FSD1L: variants seen among roughly 807,000 people sequenced by gnomAD.
FSD1L encodes fibronectin type III and SPRY domain containing 1 like.
In FSD1L, 45 loss-of-function variants were observed where a neutral mutation model predicts 71.6. The observed-to-expected ratio is 0.63, with a 90% CI of 0.49 to 0.81. The LOEUF (loss-of-function observed/expected upper bound fraction) is 0.81. Among genes scored for constraint, FSD1L ranks in the 30% least tolerant of loss-of-function variants. The pLI, the probability that FSD1L is intolerant of heterozygous loss-of-function variation, is 0.00. For synonymous variants in FSD1L, 197 were observed against 207.2 expected (o/e 0.95, Z 0.42); for missense variants, 561 against 618.1 (o/e 0.91, Z 0.98).
At chr9:105,529,847 C>T (rs1835782525) in intron 10 of FSD1L, among the ~76,000 whole-genome samples, 2 of 151,618 alleles carry the variant, frequency 1.3e-5, no homozygotes, top group South Asian at 4.2e-4. Context: ...GGTTATTTAA[C>T]CTGTTAGAAT....
Position 105,546,505 on chromosome 9 carries a change from C to T in FSD1L, c.*22C>T. 6.6e-7 allele frequency: 1 copy of T among 1,511,838 alleles called. No homozygotes were observed. Among genetic ancestry groups the T allele is most frequent in the Non-Finnish European group, 8.8e-7 (1 of 1,130,788 alleles). The allele number at this position is 1,511,838 out of a possible 1,614,324, so 93.7% of individuals were successfully genotyped here. A position where few individuals can be genotyped will look rare whatever the true frequency, so the allele number is the denominator to read the frequency against. On this transcript the variant is annotated 3_prime_UTR_variant, in exon 14 of 14. Coordinates refer to ENST00000481272, the MANE Select transcript of FSD1L (RefSeq NM_001145313.3). ...ATAGTGTCTACTCAGAATACGTTTA[C>T]CCTCCGTCTTGATTAGGTGGCCTTT... is the stretch of plus-strand genomic sequence containing the variant.
intron 7 of FSD1L, among the ~76,000 whole-genome samples, chr9:105,495,483 C>T (rs1375260854): frequency 6.6e-6 from 1 of 152,214 alleles, no homozygotes; most frequent in African/African-American, 2.4e-5. Flanking sequence ...CCTGCTTCGG[C>T]TCGTGCAGGG....
chr9:105,540,363 C>T (rs1368251775), intron 13 of FSD1L, among the ~76,000 whole-genome samples: 2 of 151,990 alleles, frequency 1.3e-5, no homozygotes, highest in East Asian at 3.8e-4. Flanking sequence ...GTAGGCTCTT[C>T]TTCACTCTGG....
At chr9:105,461,685 C>A in intron 2 of FSD1L, 70 bp downstream of exon 2, 1 of 897,658 alleles carries the variant, frequency 1.1e-6, no homozygotes. Context: ...ATTTAGATGT[C>A]TTTGACTATA....
In FSD1L at chr9:105,472,705, A is replaced by G. The variant is rs960675760; in HGVS notation, c.441+700A>G. On this transcript the variant is annotated intron_variant, in intron 5 of 13. Coordinates refer to ENST00000481272, the MANE Select transcript of FSD1L (RefSeq NM_001145313.3). ...TGCATTGTGTTAGAAAGGTAGCTTT[A>G]TAACTGATTTATGCCTAGTGATTGT... 2.6e-5 allele frequency: 4 copies of G among 152,206 alleles called. 1 individual carries two copies. Among genetic ancestry groups the G allele is most frequent in the African/African-American group, 9.6e-5 (4 of 41,452 alleles). The allele number at this position is 152,206 out of a possible 1,614,324, so 9.4% of individuals were successfully genotyped here.
intron 10 of FSD1L, chr9:105,523,790 A>G (rs912721776): frequency 7.5e-6 from 12 of 1,598,466 alleles, no homozygotes; most frequent in Middle Eastern, 2.3e-4. Context: ...TGCATTGTGG[A>G]TTACTTCATA....
chr9:105,547,931 C>T lies in FSD1L; in HGVS notation c.*1448C>T, dbSNP rs1158261885. 6.6e-6 allele frequency: 1 copy of T among 152,018 alleles called. No individual in the cohort carries two copies. Among genetic ancestry groups the T allele is most frequent in the Non-Finnish European group, 1.5e-5 (1 of 67,956 alleles). The allele number at this position is 152,018 out of a possible 1,614,324, so 9.4% of individuals were successfully genotyped here. A position where few individuals can be genotyped will look rare whatever the true frequency, so the allele number is the denominator to read the frequency against. On this transcript the variant is annotated 3_prime_UTR_variant, in exon 14 of 14. Transcript: ENST00000481272. ...TCCAAGGAGTGACCATTACTGCCTACATTTGCGTTGCTTTCTACATAGAGA... is the reference window on the plus strand; with the variant it reads ...TCCAAGGAGTGACCATTACTGCCTATATTTGCGTTGCTTTCTACATAGAGA...
At position 105,495,896 on chromosome 9, in the gene FSD1L, C is replaced by T. The variant is rs188415665; in HGVS notation, c.587-10503C>T. Among the ~76,000 whole-genome samples the T allele has an allele frequency of 6.2e-3, 936 of 151,432 alleles. 13 individuals are homozygous for T. The highest frequency in any genetic ancestry group is 0.021 in the African/African-American group (880 of 41,252). On this transcript the variant is annotated intron_variant, in intron 7 of 13. Transcript: ENST00000481272. Reference sequence around the variant, plus strand: ...AGGCTGAGGCAGAATGGCATGAACCCGGGAGGCGGAGCTTGCAGTGAGCCG... The same window carrying T: ...AGGCTGAGGCAGAATGGCATGAACCTGGGAGGCGGAGCTTGCAGTGAGCCG...
chr9:105,533,265 T>A (rs988280937), intron 10 of FSD1L, among the ~76,000 whole-genome samples: 1 of 151,914 alleles, frequency 6.6e-6, no homozygotes, highest in African/African-American at 2.4e-5. Context: ...TTTTTGAATG[T>A]TAGTAAACAT....
At chr9:105,525,490 G>A in intron 10 of FSD1L, 1 of 1,610,016 alleles carries the variant, frequency 6.2e-7, no homozygotes, top group Non-Finnish European at 8.5e-7. Context: ...CATGAAAGCT[G>A]TGGAACAAGA....
chr9:105,543,629 T>C (rs1836775529), intron 13 of FSD1L, among the ~76,000 whole-genome samples: 3 of 151,908 alleles, frequency 2.0e-5, no homozygotes, highest in Admixed American at 2.0e-4. Flanking sequence ...TTCCCCTTCC[T>C]GTGTCCATGT....
intron 13 of FSD1L, among the ~76,000 whole-genome samples, chr9:105,544,303 T>G (rs1410365285): frequency 6.6e-6 from 1 of 152,196 alleles, no homozygotes; most frequent in East Asian, 1.9e-4. Flanking sequence ...TTTGTTTGAG[T>G]TCTTTGTAGA....
At chr9:105,488,891 A>G (rs192346550) in intron 7 of FSD1L, among the ~76,000 whole-genome samples, 1 of 150,354 alleles carries the variant, frequency 6.7e-6, no homozygotes, top group Admixed American at 6.7e-5. Context: ...CAAGTTCTTC[A>G]TAAGTACTGA....
At chr9:105,521,755 A>C (rs1835175436) in intron 10 of FSD1L, 1 of 1,612,906 alleles carries the variant, frequency 6.2e-7, no homozygotes, top group African/African-American at 1.3e-5. Context: ...TGGGCAAAAA[A>C]CGGCTCCTAC....
intron 7 of FSD1L, among the ~76,000 whole-genome samples, chr9:105,500,502 T>A (rs1203971309): frequency 6.6e-6 from 1 of 152,208 alleles, no homozygotes; most frequent in Non-Finnish European, 1.5e-5. Context: ...TTTCCCCAGG[T>A]CACTTAGTCT....
upstream of FSD1L, among the ~76,000 whole-genome samples, chr9:105,443,600 G>A (rs1016365509): frequency 6.6e-6 from 1 of 152,112 alleles, no homozygotes; most frequent in Admixed American, 6.5e-5. Flanking sequence ...AGGGGTTGCA[G>A]GGATTTTGGG....
rs1197348445 is a variant in FSD1L, at chr9:105,506,424, A to T, written c.612A>T (p.Pro204=). The T allele has an allele frequency of 6.4e-7, 1 of 1,551,236 alleles. No individual in the cohort carries two copies. Among genetic ancestry groups the T allele is most frequent in the Admixed American group, 2.0e-5 (1 of 50,968 alleles). ...LPVPKAPEID[P]VECLVADNSV... ...TCCCCAAAGCTCCAGAGATAGATCC[A>T]GTAGAGTGTTTGGTGGCAGATAACT... Residue 204 remains proline, a synonymous_variant, in exon 8 of 14, where the codon CCA becomes CCT. Coordinates refer to ENST00000481272, the MANE Select transcript of FSD1L (RefSeq NM_001145313.3).
intron 12 of FSD1L, among the ~76,000 whole-genome samples, chr9:105,536,960 T>A (rs1339348676): frequency 6.6e-6 from 1 of 152,168 alleles, no homozygotes; most frequent in Non-Finnish European, 1.5e-5. Flanking sequence ...TAAAAATAAC[T>A]CAATGTTATA....
intron 10 of FSD1L, chr9:105,521,594 G>T: frequency 6.2e-7 from 1 of 1,613,342 alleles, no homozygotes; most frequent in Non-Finnish European, 8.5e-7. Context: ...AAAAACCTTT[G>T]TTCATGCAAG....
Sources: gnomAD v4.1 joint callset for allele counts (sites outside exome capture counted in the v4.1 genomes callset) on GRCh38, gnomAD v4.1.1 for gene constraint, MANE v1.5 for transcripts, NCBI Gene and HGNC (gene_info 2026-07-23, HGNC 2026-07-21) for gene names.